MYO10: variants seen among roughly 807,000 people sequenced by gnomAD.
MYO10 encodes the protein unconventional myosin-X.
MYO10 carries 133 observed loss-of-function variants against 257.3 expected under a neutral mutation model. The observed-to-expected ratio is 0.52, with a 90% CI of 0.45 to 0.60. MYO10 has a LOEUF of 0.60. Ranked by LOEUF, MYO10 falls within the 20% of genes least tolerant of loss-of-function variation. The probability of loss-of-function intolerance (pLI) is 0.00; values close to 1 mark genes in which losing one functional copy is unlikely to be tolerated. For missense variants in MYO10, 2,399 were observed against 2,635.7 expected, an observed-to-expected ratio of 0.91 and a Z score of 1.97; for synonymous variants, 1,104 against 1,028.6, an observed-to-expected ratio of 1.07 and a Z score of -1.40.
At chr5:16,777,747 T>A (rs1207490476) in intron 9 of MYO10, among the ~76,000 whole-genome samples, 1 of 151,706 alleles carries the variant, frequency 6.6e-6, no homozygotes, top group Non-Finnish European at 1.5e-5. Flanking sequence ...AAACTCCATG[T>A]GAAGTTCATA....
rs112573217 is a variant in MYO10, at chr5:16,821,831, C to G, written c.121-3664G>C. ...TCCAGGGGTGGAAAAATCAAGAGAA[C>G]TAGAACCATTCCTTCTCAGGACCAC... On this transcript the variant is annotated intron_variant, in intron 2 of 40. Coordinates refer to ENST00000513610, the MANE Select transcript of MYO10 (RefSeq NM_012334.3). Among the ~76,000 whole-genome samples, 10 of 151,874 alleles carry G rather than the reference C, an allele frequency of 6.6e-5. 1 individual carries two copies. Among genetic ancestry groups the G allele is most frequent in the African/African-American group, 1.7e-4 (7 of 41,412 alleles).
chr5:16,753,677 G>A (rs1740448288), intron 19 of MYO10, among the ~76,000 whole-genome samples: 1 of 146,794 alleles, frequency 6.8e-6, no homozygotes, highest in Non-Finnish European at 1.5e-5. Flanking sequence ...CACCATGTTG[G>A]CCAGGCTGGT....
At chr5:16,886,828 A>T (rs1744910245) in intron 1 of MYO10, among the ~76,000 whole-genome samples, 1 of 150,452 alleles carries the variant, frequency 6.6e-6, no homozygotes, top group Non-Finnish European at 1.5e-5. Flanking sequence ...GCTACTTGGG[A>T]GTCTGAAGCA....
intron 3 of MYO10, among the ~76,000 whole-genome samples, chr5:16,800,250 C>T (rs1224858070): frequency 6.6e-6 from 1 of 152,094 alleles, no homozygotes; most frequent in African/African-American, 2.4e-5. Context: ...CTCATTACTA[C>T]ACATTGTCAA....
chr5:16,882,398 C>A (rs1361343411), intron 1 of MYO10, among the ~76,000 whole-genome samples: 2 of 152,136 alleles, frequency 1.3e-5, no homozygotes, highest in Non-Finnish European at 2.9e-5. Context: ...TATGTCCCAA[C>A]AATTTAACTC....
chr5:16,791,044 C>G (rs1277539699), intron 4 of MYO10, among the ~76,000 whole-genome samples: 1 of 152,078 alleles, frequency 6.6e-6, no homozygotes, highest in African/African-American at 2.4e-5. Context: ...AAGGAAGAGG[C>G]TTGGACTAGA....
chr5:16,700,653 G>C (rs1738003651), intron 25 of MYO10, among the ~76,000 whole-genome samples: 1 of 152,250 alleles, frequency 6.6e-6, no homozygotes, highest in East Asian at 1.9e-4. Flanking sequence ...CTCCAGCCTG[G>C]ATGACAGAGA....
chr5:16,783,241 A>T, intron 5 of MYO10, 94 bp downstream of exon 5: 1 of 1,268,518 alleles, frequency 7.9e-7, no homozygotes, highest in Non-Finnish European at 1.1e-6. Context: ...AGAAAAAGAG[A>T]AACGCGACCA....
At chr5:16,923,293 CT>C (rs1202662269) in intron 1 of MYO10, among the ~76,000 whole-genome samples, 78 of 141,048 alleles carry the variant, frequency 5.5e-4, no homozygotes, top group Admixed American at 8.5e-4. Context: ...CTAAACTCTT[CT>C]TTTTTTTTTT....
rs58155620 is a variant in MYO10 at position 16,757,119 on chromosome 5, T to TAA, written c.1848+997_1848+998dup. On this transcript the variant is annotated intron_variant, in intron 18 of 40. Transcript: ENST00000513610. ...GGGTGACAGAGCGAGACTCTGCCTT[T>TAA]AAAAAAAAAAAAAAAAAAAAAAAAG... Among the ~76,000 whole-genome samples, 274 of 100,094 alleles carry TAA rather than the reference T, an allele frequency of 2.7e-3. 2 individuals are homozygous for TAA. The highest frequency in any genetic ancestry group is 0.01 in the Middle Eastern group (2 of 196). 65.7% of individuals were successfully genotyped at this position (100,094 alleles called of 152,430 possible). A position where few individuals can be genotyped will look rare whatever the true frequency, so the allele number is the denominator to read the frequency against.
chr5:16,762,161 A>T (rs1740735198), intron 15 of MYO10, 48 bp from the exon 16 acceptor site: 1 of 1,433,750 alleles, frequency 7.0e-7, no homozygotes, highest in Non-Finnish European at 9.1e-7. Context: ...GCCTTATTTC[A>T]CTCACTGATT....
At chr5:16,726,849 G>A (rs77651970) in intron 19 of MYO10, among the ~76,000 whole-genome samples, 3,082 of 152,132 alleles carry the variant, frequency 0.02, 102 homozygotes, top group African/African-American at 0.068. Context: ...AGCCATATCC[G>A]GCCTGCCACC....
intron 19 of MYO10, among the ~76,000 whole-genome samples, chr5:16,726,776 A>G (rs558617754): frequency 1.3e-5 from 2 of 152,332 alleles, no homozygotes; most frequent in Admixed American, 1.3e-4. Context: ...TCAACTTCTG[A>G]GCATTAAAAC....
At chr5:16,695,369 T>C (rs1561187973) in intron 26 of MYO10, among the ~76,000 whole-genome samples, 1 of 152,158 alleles carries the variant, frequency 6.6e-6, no homozygotes, top group Non-Finnish European at 1.5e-5. Context: ...TCCTTCCATA[T>C]TTGGTCAATG....
rs150975882 is a variant in MYO10 at position 16,843,745 on chromosome 5, G to T, written c.121-25578C>A. On this transcript the variant is annotated intron_variant, in intron 2 of 40. Transcript: ENST00000513610. Reference sequence around the variant, plus strand: ...TAGAGCACATCAAATATATAGTGATGGGTAAATTACAGAAAAAAAAATTTT... The same window carrying T: ...TAGAGCACATCAAATATATAGTGATTGGTAAATTACAGAAAAAAAAATTTT... 2.0e-4 allele frequency among the ~76,000 whole-genome samples: 30 copies of T among 152,090 alleles called. 1 individual carries two copies. The highest frequency in any genetic ancestry group is 7.2e-4 in the African/African-American group (30 of 41,462).
chr5:16,861,486 C>T (rs1273541031), intron 2 of MYO10, among the ~76,000 whole-genome samples: 1 of 152,096 alleles, frequency 6.6e-6, no homozygotes, highest in African/African-American at 2.4e-5. Flanking sequence ...GCAGGAGAAT[C>T]ACTTGAACCC....
At chr5:16,843,820 C>CA (rs557180663) in intron 2 of MYO10, among the ~76,000 whole-genome samples, 79 of 152,184 alleles carry the variant, frequency 5.2e-4, no homozygotes, top group Non-Finnish European at 8.7e-4. Flanking sequence ...CCCTTAACTA[C>CA]AAAAAAGCTT....
chr5:16,762,679 G>T, intron 14 of MYO10, 42 bp from the exon 15 acceptor site: 1 of 1,447,388 alleles, frequency 6.9e-7, no homozygotes. Flanking sequence ...AGTTGAATGT[G>T]GCTGGGTGCA....
At position 16,663,664 on chromosome 5, in the gene MYO10, C is replaced by CCT. The variant is rs373631574; in HGVS notation, c.*3026_*3027dup. 2.4e-3 allele frequency: 373 copies of CCT among 152,248 alleles called. 2 individuals are homozygous for CCT. Among genetic ancestry groups the CCT allele is most frequent in the African/African-American group, 8.4e-3 (347 of 41,510 alleles). 9.4% of individuals were successfully genotyped at this position (152,248 alleles called of 1,614,324 possible). ...GAGGCTGCAATGAGCTGTGACTGTG[C>CCT]CTCTGCACTGTAGCCTGGTGACAGA... On this transcript the variant is annotated 3_prime_UTR_variant, in exon 41 of 41. Coordinates refer to ENST00000513610, the MANE Select transcript of MYO10 (RefSeq NM_012334.3).
Sources: gnomAD v4.1 joint callset for allele counts (sites outside exome capture counted in the v4.1 genomes callset) on GRCh38, gnomAD v4.1.1 for gene constraint, MANE v1.5 for transcripts, NCBI Gene and HGNC (gene_info 2026-07-23, HGNC 2026-07-21) for gene names.